The following DGKB variants were observed in gnomAD, a reference collection of about 807,000 sequenced individuals.
The protein encoded by DGKB is diacylglycerol kinase beta.
A neutral mutation model predicts 114.3 loss-of-function variants in DGKB; 67 were observed. The ratio of observed to expected loss-of-function variants is 0.59; its 90% CI spans 0.48 to 0.72. DGKB has a LOEUF of 0.72. Ranked by LOEUF, DGKB falls within the 30% of genes least tolerant of loss-of-function variation. The pLI is 0.00. For missense variants in DGKB, 907 were observed against 975.2 expected (o/e 0.93, Z 0.93); for synonymous variants, 398 against 323.1 (o/e 1.23, Z -2.49).
intron 21 of DGKB, among the ~76,000 whole-genome samples, chr7:14,464,839 C>T (rs1289909641): frequency 1.3e-5 from 2 of 151,968 alleles, no homozygotes; most frequent in South Asian, 2.1e-4. Flanking sequence ...GCTTTTTGAC[C>T]CGTTATTCAT....
At chr7:14,539,758 T>C (rs1390936650) in intron 20 of DGKB, among the ~76,000 whole-genome samples, 6 of 152,116 alleles carry the variant, frequency 3.9e-5, no homozygotes, top group African/African-American at 7.2e-5. Context: ...CTTCACATTG[T>C]TGATTTGCTT....
At chr7:14,720,230 C>A (rs1828913505) in intron 5 of DGKB, among the ~76,000 whole-genome samples, 1 of 152,130 alleles carries the variant, frequency 6.6e-6, no homozygotes, top group African/African-American at 2.4e-5. Context: ...ATTGAGTTTA[C>A]TAGCCACCAA....
At chr7:14,393,771 C>T (rs1821800233) in intron 21 of DGKB, among the ~76,000 whole-genome samples, 1 of 152,122 alleles carries the variant, frequency 6.6e-6, no homozygotes, top group African/African-American at 2.4e-5. Context: ...TAGTGTCTAA[C>T]GATTTCTTTG....
At chr7:14,763,253 G>T (rs778083292) in intron 2 of DGKB, among the ~76,000 whole-genome samples, 1 of 151,900 alleles carries the variant, frequency 6.6e-6, no homozygotes, top group Non-Finnish European at 1.5e-5. Flanking sequence ...AATCTCTCAG[G>T]ACCTCCTCAA....
At chr7:14,381,012 C>G (rs1819376084) in intron 21 of DGKB, among the ~76,000 whole-genome samples, 1 of 152,154 alleles carries the variant, frequency 6.6e-6, no homozygotes, top group Non-Finnish European at 1.5e-5. Context: ...GTATGTGCTG[C>G]CTGGGGCACC....
intron 23 of DGKB, among the ~76,000 whole-genome samples, chr7:14,188,234 TA>T (rs1783736298): frequency 6.6e-6 from 1 of 152,182 alleles, no homozygotes; most frequent in African/African-American, 2.4e-5. Context: ...ATCAAGTGAA[TA>T]AATTTTCTCA....
chr7:14,222,964 T>C (rs2128326145), intron 23 of DGKB, among the ~76,000 whole-genome samples: 1 of 151,844 alleles, frequency 6.6e-6, no homozygotes, highest in Non-Finnish European at 1.5e-5. Flanking sequence ...AACTTTCTTG[T>C]GATTGCTGTT....
At chr7:14,558,195 G>C (rs1796142429) in intron 20 of DGKB, among the ~76,000 whole-genome samples, 1 of 149,562 alleles carries the variant, frequency 6.7e-6, no homozygotes, top group Non-Finnish European at 1.5e-5. Context: ...TATACCTTCT[G>C]TATAGAGGAT....
chr7:14,387,145 T>G (rs1007357252), intron 21 of DGKB, among the ~76,000 whole-genome samples: 2 of 151,950 alleles, frequency 1.3e-5, no homozygotes, highest in African/African-American at 4.8e-5. Flanking sequence ...GTGTCTTGGC[T>G]GGGCGCGGTG....
intron 1 of DGKB, among the ~76,000 whole-genome samples, chr7:14,913,901 C>T (rs781385738): frequency 6.6e-6 from 1 of 151,918 alleles, no homozygotes; most frequent in Non-Finnish European, 1.5e-5. Flanking sequence ...CCCACAAAAT[C>T]GAAGAGACAA....
intron 17 of DGKB, among the ~76,000 whole-genome samples, chr7:14,596,966 T>A (rs1563631139): frequency 6.6e-6 from 1 of 152,196 alleles, no homozygotes; most frequent in East Asian, 1.9e-4. Flanking sequence ...TCCTATAGTC[T>A]TGAAAGGAGT....
intron 25 of DGKB, among the ~76,000 whole-genome samples, chr7:14,153,171 A>G (rs1041912546): frequency 7.9e-5 from 12 of 152,032 alleles, no homozygotes; most frequent in Non-Finnish European, 7.4e-5. Context: ...TCCAGACAGT[A>G]TTTGGTTCAG....
At chr7:14,267,725 G>A (rs905646476) in intron 23 of DGKB, among the ~76,000 whole-genome samples, 6 of 151,960 alleles carry the variant, frequency 3.9e-5, no homozygotes, top group Non-Finnish European at 7.4e-5. Flanking sequence ...TCCTGACCTC[G>A]TGATCCACCC....
chr7:14,512,679 T>C (rs1788161691), intron 20 of DGKB, among the ~76,000 whole-genome samples: 1 of 152,108 alleles, frequency 6.6e-6, no homozygotes. Flanking sequence ...AATTAAGGTG[T>C]ACATATAAAA....
chr7:14,859,663 C>A (rs1850688304), intron 1 of DGKB, among the ~76,000 whole-genome samples: 1 of 152,068 alleles, frequency 6.6e-6, no homozygotes, highest in African/African-American at 2.4e-5. Flanking sequence ...ATTCTCTATC[C>A]AACCCTCTGA....
At chr7:14,572,324 T>C (rs967538060) in intron 20 of DGKB, among the ~76,000 whole-genome samples, 21 of 147,570 alleles carry the variant, frequency 1.4e-4, no homozygotes, top group African/African-American at 5.2e-4. Flanking sequence ...TGGTGGCGGG[T>C]GCCTGTAGTC....
At chr7:14,356,200 C>G (rs1291525424) in intron 21 of DGKB, among the ~76,000 whole-genome samples, 1 of 151,866 alleles carries the variant, frequency 6.6e-6, no homozygotes, top group East Asian at 1.9e-4. Flanking sequence ...AGCGGTCTAT[C>G]AATTTTGTTG....
chr7:14,580,721 T>C (rs1224236710), intron 19 of DGKB, 141 bp downstream of exon 19: 1 of 484,492 alleles, frequency 2.1e-6, no homozygotes, highest in Non-Finnish European at 3.6e-6. Flanking sequence ...AAGACTATTG[T>C]TCAAAATCAT....
intron 2 of DGKB, among the ~76,000 whole-genome samples, chr7:14,829,884 C>G (rs994546732): frequency 6.6e-6 from 1 of 152,042 alleles, no homozygotes; most frequent in African/African-American, 2.4e-5. Context: ...ATTGCTACTT[C>G]GGAAATACTT....
Sources: gnomAD v4.1 joint callset for allele counts (sites outside exome capture counted in the v4.1 genomes callset) on GRCh38, gnomAD v4.1.1 for gene constraint, MANE v1.5 for transcripts, NCBI Gene and HGNC (gene_info 2026-07-23, HGNC 2026-07-21) for gene names.